GCNT1: variants seen among roughly 807,000 people sequenced by gnomAD.
The protein encoded by GCNT1 is beta-1,3-galactosyl-O-glycosyl-glycoprotein beta-1,6-N-acetylglucosaminyltransferase.
In GCNT1, 16 loss-of-function variants were observed where a neutral mutation model predicts 26.2. The observed-to-expected ratio is 0.61, with a 90% CI of 0.41 to 0.93. GCNT1 has a LOEUF of 0.93. GCNT1 is among the 40% of genes least tolerant of loss of function. The pLI is 0.00. For missense variants in GCNT1, 477 were observed against 526.7 expected (o/e 0.91, Z 0.92); for synonymous variants, 183 against 190.8 (o/e 0.96, Z 0.34).
chr9:76,406,530 G>C, the GCNT1 span, among the ~76,000 whole-genome samples: 1 of 148,036 alleles, frequency 6.8e-6, no homozygotes, highest in Non-Finnish European at 1.5e-5. Context: ...AAAGAAAAAA[G>C]AAAAATTGGC....
At chr9:76,487,403 T>C (rs979329765) in intron 2 of GCNT1, among the ~76,000 whole-genome samples, 1 of 152,228 alleles carries the variant, frequency 6.6e-6, no homozygotes, top group African/African-American at 2.4e-5. Context: ...TGATAAGTAT[T>C]CACTGGGACT....
the GCNT1 span, among the ~76,000 whole-genome samples, chr9:76,413,648 GTTTTGTTTTTTTTTTTTTTGTTT>G: frequency 3.6e-5 from 1 of 28,138 alleles, no homozygotes; most frequent in Admixed American, 2.6e-4. Context: ...TTTTTGTTTT[GTTTTGTTTTTTTTTTTTTTGTTT>G]TTTTTTTTTT....
chr9:76,395,337 C>T, the GCNT1 span, among the ~76,000 whole-genome samples: 31 of 151,100 alleles, frequency 2.1e-4, no homozygotes, highest in African/African-American at 7.3e-4. Flanking sequence ...TTCTTTTTTG[C>T]TCTATACATT....
intron 2 of GCNT1, among the ~76,000 whole-genome samples, chr9:76,470,776 AT>A (rs906015689): frequency 2.9e-4 from 44 of 151,838 alleles, no homozygotes; most frequent in African/African-American, 7.0e-4. Context: ...TTAAAAATTA[AT>A]TTTTTTTTAA....
the GCNT1 span, chr9:76,393,877 C>G: frequency 5.4e-6 from 3 of 553,768 alleles, no homozygotes; most frequent in Non-Finnish European, 6.3e-6. Context: ...CCCTCAACCC[C>G]GTCCCCGCGG....
chr9:76,494,996 C>T (rs893243148), intron 2 of GCNT1, among the ~76,000 whole-genome samples: 14 of 152,164 alleles, frequency 9.2e-5, no homozygotes, highest in African/African-American at 3.4e-4. Context: ...TAGCCATTTC[C>T]CAGAAAACCT....
chr9:76,424,650 T>C (rs1823236901), intron 1 of GCNT1, among the ~76,000 whole-genome samples: 1 of 152,224 alleles, frequency 6.6e-6, no homozygotes, highest in Admixed American at 6.5e-5. Context: ...CAGAGCACGC[T>C]GAGTAATATA....
intron 1 of GCNT1, among the ~76,000 whole-genome samples, chr9:76,426,972 A>C (rs949976592): frequency 2.0e-5 from 3 of 152,182 alleles, no homozygotes; most frequent in African/African-American, 7.2e-5. Flanking sequence ...TGTCATCCCC[A>C]AATTCATAAG....
chr9:76,480,342 T>C (rs1306144837), intron 2 of GCNT1, among the ~76,000 whole-genome samples: 2 of 152,146 alleles, frequency 1.3e-5, no homozygotes, highest in African/African-American at 4.8e-5. Context: ...ATGCGGGCTC[T>C]TTTTTGGTTC....
intron 2 of GCNT1, among the ~76,000 whole-genome samples, chr9:76,493,432 C>T (rs1186340116): frequency 6.6e-6 from 1 of 152,140 alleles, no homozygotes; most frequent in Non-Finnish European, 1.5e-5. Flanking sequence ...CAAAGGTTTG[C>T]CCTAGACCCT....
chr9:76,399,548 G>T, the GCNT1 span: 4 of 1,530,228 alleles, frequency 2.6e-6, no homozygotes, highest in Non-Finnish European at 2.7e-6. Flanking sequence ...CACTGCTCAG[G>T]CCACTGAATG....
At chr9:76,463,938 G>A (rs776243947) in intron 2 of GCNT1, among the ~76,000 whole-genome samples, 5 of 152,052 alleles carry the variant, frequency 3.3e-5, no homozygotes, top group Non-Finnish European at 7.4e-5. Flanking sequence ...GCTCACACCT[G>A]TAATCCTAGC....
intron 1 of GCNT1, among the ~76,000 whole-genome samples, chr9:76,446,960 A>C (rs1823586496): frequency 6.6e-6 from 1 of 151,902 alleles, no homozygotes; most frequent in Non-Finnish European, 1.5e-5. Context: ...TTTGAGGCCA[A>C]CGTGGCCAAC....
chr9:76,395,216 A>G, the GCNT1 span, among the ~76,000 whole-genome samples: 1 of 152,246 alleles, frequency 6.6e-6, no homozygotes, highest in Non-Finnish European at 1.5e-5. Context: ...CAGGATATGC[A>G]GGGTGCAAGG....
chr9:76,476,680 G>A (rs1824259689), intron 2 of GCNT1, among the ~76,000 whole-genome samples: 1 of 152,144 alleles, frequency 6.6e-6, no homozygotes, highest in Non-Finnish European at 1.5e-5. Context: ...GTAAAACTGT[G>A]TTTCGCTGTT....
At chr9:76,496,027 C>T (rs541265334) in intron 2 of GCNT1, among the ~76,000 whole-genome samples, 1 of 152,196 alleles carries the variant, frequency 6.6e-6, no homozygotes, top group South Asian at 2.1e-4. Context: ...CTTGGATTCC[C>T]CAGTAAAAAA....
exon 1 of GCNT1, chr9:76,441,836 A>G (rs886806545): frequency 9.2e-5 from 14 of 152,236 alleles, no homozygotes; most frequent in African/African-American, 3.4e-4. Context: ...GAATGCAATC[A>G]TCAGGTATTC....
chr9:76,431,174 C>T (rs1462451571), intron 1 of GCNT1, among the ~76,000 whole-genome samples: 4 of 152,010 alleles, frequency 2.6e-5, no homozygotes, highest in East Asian at 1.9e-4. Flanking sequence ...TGGCAAAATC[C>T]CCAACTGGGC....
intron 2 of GCNT1, among the ~76,000 whole-genome samples, chr9:76,478,190 A>T (rs506467): frequency 0.52 from 78,563 of 151,912 alleles, 22,074 homozygotes; most frequent in Non-Finnish European, 0.61. Flanking sequence ...CCTTCCATGT[A>T]GTGGAAACTT....
Sources: allele counts gnomAD v4.1 joint callset (sites outside exome capture counted in the v4.1 genomes callset), GRCh38; gene constraint gnomAD v4.1.1; transcripts MANE v1.5; gene names NCBI Gene and HGNC (gene_info 2026-07-23, HGNC 2026-07-21).